Variants in CAMK4 observed in about 807,000 individuals in gnomAD.
CAMK4 encodes the protein calcium/calmodulin-dependent protein kinase type IV.
A neutral mutation model predicts 44.9 loss-of-function variants in CAMK4; 22 were observed. The ratio of observed to expected loss-of-function variants is 0.49; its 90% CI spans 0.35 to 0.70. The LOEUF (loss-of-function observed/expected upper bound fraction) is 0.70, where lower values mean the gene tolerates loss of function less well. Ranked by LOEUF, CAMK4 falls within the 30% of genes least tolerant of loss-of-function variation. CAMK4 has a pLI of 0.01. For missense variants in CAMK4, 498 were observed against 586.8 expected, an observed-to-expected ratio of 0.85 and a Z score of 1.56; for synonymous variants, 218 against 215.4, an observed-to-expected ratio of 1.01 and a Z score of -0.11.
intron 3 of CAMK4, among the ~76,000 whole-genome samples, 191 bp from the exon 4 acceptor site, chr5:111,376,669 G>C (rs1370872390): frequency 6.6e-6 from 1 of 151,950 alleles, no homozygotes; most frequent in Admixed American, 6.6e-5. Context: ...AAAAAAATGA[G>C]GTAACTGATA....
rs1178867665 is a variant in CAMK4, at chr5:111,426,637, C to A, written c.460-20049C>A. ...AATCAGTCCTGAATCACTAACGCCA[C>A]CCCTCCCCCACCCCCAATGGTACCA... On this transcript the variant is annotated intron_variant, in intron 5 of 10. Transcript: ENST00000282356. Among the ~76,000 whole-genome samples, 5 of 152,216 alleles carry A rather than the reference C, an allele frequency of 3.3e-5. No homozygotes were observed. The East Asian group carries it at 9.6e-4, about 29-fold the overall frequency.
At chr5:111,250,857 G>A (rs893711006) in intron 1 of CAMK4, among the ~76,000 whole-genome samples, 1 of 152,140 alleles carries the variant, frequency 6.6e-6, no homozygotes, top group Non-Finnish European at 1.5e-5. Flanking sequence ...TTGCCAGGGT[G>A]GTCTTGAACT....
intron 5 of CAMK4, among the ~76,000 whole-genome samples, chr5:111,419,062 G>C (rs553334788): frequency 1.3e-5 from 2 of 152,090 alleles, no homozygotes; most frequent in African/African-American, 4.8e-5. Flanking sequence ...CCCACCAACA[G>C]TGTAAAAATG....
intron 1 of CAMK4, among the ~76,000 whole-genome samples, chr5:111,285,041 C>T (rs756357653): frequency 3.3e-5 from 5 of 152,066 alleles, no homozygotes; most frequent in Non-Finnish European, 7.4e-5. Context: ...TCATGCATGG[C>T]GCATATGGAA....
At chr5:111,336,665 A>G (rs185522454) in intron 1 of CAMK4, among the ~76,000 whole-genome samples, 1 of 151,356 alleles carries the variant, frequency 6.6e-6, no homozygotes, top group Admixed American at 6.6e-5. Flanking sequence ...GAATTTATTG[A>G]TAGGTTAATT....
chr5:111,378,629 CA>C (rs1481170917), intron 4 of CAMK4, among the ~76,000 whole-genome samples: 1 of 152,084 alleles, frequency 6.6e-6, no homozygotes, highest in Non-Finnish European at 1.5e-5. Context: ...AGACTTTAAA[CA>C]TTATAACATT....
At chr5:111,292,395 GTGTATA>G (rs1203582985) in intron 1 of CAMK4, among the ~76,000 whole-genome samples, 1 of 152,008 alleles carries the variant, frequency 6.6e-6, no homozygotes, top group Non-Finnish European at 1.5e-5. Context: ...GTGTTTGTGT[GTGTATA>G]TGTATGTGTA....
At chr5:111,475,164 A>AAAAAC (rs905931864) in intron 8 of CAMK4, among the ~76,000 whole-genome samples, 24 of 152,236 alleles carry the variant, frequency 1.6e-4, no homozygotes, top group African/African-American at 4.3e-4. Flanking sequence ...ACTCAAAAAC[A>AAAAAC]AAAACAAAAC....
chr5:111,390,513 T>G (rs1386975507), intron 4 of CAMK4, among the ~76,000 whole-genome samples: 3 of 152,192 alleles, frequency 2.0e-5, no homozygotes, highest in African/African-American at 4.8e-5. Context: ...GAAAAGTACT[T>G]TCTGAAAAAT....
chr5:111,448,189 G>A (rs207466325), intron 6 of CAMK4, among the ~76,000 whole-genome samples: 1 of 152,124 alleles, frequency 6.6e-6, no homozygotes, highest in African/African-American at 2.4e-5. Context: ...AGCAACTTTC[G>A]ATAATCTTTT....
intron 1 of CAMK4, among the ~76,000 whole-genome samples, chr5:111,338,907 C>T (rs1749524817): frequency 6.6e-6 from 1 of 151,264 alleles, no homozygotes; most frequent in Admixed American, 6.6e-5. Context: ...ATGCCTCCGG[C>T]TTTATTCTTT....
At chr5:111,366,248 A>G (rs192210021) in intron 2 of CAMK4, among the ~76,000 whole-genome samples, 6 of 152,282 alleles carry the variant, frequency 3.9e-5, no homozygotes, top group African/African-American at 1.2e-4. Flanking sequence ...CAGAGACAAA[A>G]CAAGATTTAT....
At chr5:111,450,261 G>C (rs987935631) in intron 7 of CAMK4, among the ~76,000 whole-genome samples, 3 of 152,176 alleles carry the variant, frequency 2.0e-5, no homozygotes, top group African/African-American at 7.2e-5. Context: ...TAGAACCCAG[G>C]AGGCGGAGGT....
In CAMK4 at chr5:111,490,204, T is replaced by C. The variant is rs1481141884; in HGVS notation, c.*5738T>C. 6.6e-6 allele frequency: 1 copy of C among 152,240 alleles called. No homozygotes were observed. The allele number at this position is 152,240 out of a possible 1,614,324, so 9.4% of individuals were successfully genotyped here. ...TTCTAATTTTTGAAAGCGGTTGTTTTCCCTGAGCTCTCTCTCAACTTTGAC... is the reference window on the plus strand; with the variant it reads ...TTCTAATTTTTGAAAGCGGTTGTTTCCCCTGAGCTCTCTCTCAACTTTGAC... On this transcript the variant is annotated 3_prime_UTR_variant, in exon 11 of 11. Coordinates refer to ENST00000282356, the MANE Select transcript of CAMK4 (RefSeq NM_001744.6).
chr5:111,354,254 G>T (rs1430908610), intron 2 of CAMK4, among the ~76,000 whole-genome samples: 1 of 152,108 alleles, frequency 6.6e-6, no homozygotes, highest in Non-Finnish European at 1.5e-5. Flanking sequence ...AACTCAGAGA[G>T]AGTAGAAGGA....
chr5:111,243,783 T>C (rs1331850174), intron 1 of CAMK4, among the ~76,000 whole-genome samples: 1 of 152,218 alleles, frequency 6.6e-6, no homozygotes, highest in Non-Finnish European at 1.5e-5. Flanking sequence ...TGCTGGGGAA[T>C]GTCAAGCCTC....
At chr5:111,353,716 T>C (rs1750208676) in intron 2 of CAMK4, among the ~76,000 whole-genome samples, 1 of 143,998 alleles carries the variant, frequency 6.9e-6, no homozygotes, top group Non-Finnish European at 1.5e-5. Context: ...CAACAAACTA[T>C]CTGAAAAAGA....
At chr5:111,351,497 C>G (rs1056101992) in intron 2 of CAMK4, among the ~76,000 whole-genome samples, 1 of 151,664 alleles carries the variant, frequency 6.6e-6, no homozygotes, top group African/African-American at 2.4e-5. Context: ...CCTCTGCCTC[C>G]CAGGTTCAAG....
intron 1 of CAMK4, among the ~76,000 whole-genome samples, chr5:111,319,834 C>G (rs1044890676): frequency 6.7e-6 from 1 of 149,802 alleles, no homozygotes; most frequent in Non-Finnish European, 1.5e-5. Context: ...TTAATGTTGA[C>G]ATCCAATTAA....
Sources: gnomAD v4.1 joint callset for allele counts (sites outside exome capture counted in the v4.1 genomes callset) on GRCh38, gnomAD v4.1.1 for gene constraint, MANE v1.5 for transcripts, NCBI Gene and HGNC (gene_info 2026-07-23, HGNC 2026-07-21) for gene names.